Variants in SYNPO observed in about 807,000 individuals in gnomAD.
SYNPO encodes synaptopodin.
A neutral mutation model predicts 49.5 loss-of-function variants in SYNPO; 19 were observed. The observed-to-expected ratio is 0.38, with a 90% CI of 0.27 to 0.56. SYNPO has a LOEUF of 0.56. Among genes scored for constraint, SYNPO ranks in the 20% least tolerant of loss-of-function variants. The probability of loss-of-function intolerance (pLI) is 0.68; values close to 1 mark genes in which losing one functional copy is unlikely to be tolerated. For synonymous variants in SYNPO, 536 were observed against 548.0 expected (o/e 0.98, Z 0.31); for missense variants, 1,131 against 1,248.3 (o/e 0.91, Z 1.42).
At chr5:150,650,786 G>A in intron 2 of SYNPO, 7 of 1,290,528 alleles carry the variant, frequency 5.4e-6, no homozygotes, top group Non-Finnish European at 6.9e-6. Context: ...GCCCCAGGGG[G>A]GCCTCCCTCC....
chr5:150,604,142 C>A (rs934822683), intron 1 of SYNPO, among the ~76,000 whole-genome samples: 2 of 152,206 alleles, frequency 1.3e-5, no homozygotes, highest in African/African-American at 4.8e-5. Flanking sequence ...CCTGCTGAAC[C>A]ACTAGCAGCT....
chr5:150,611,142 C>A (rs181240246), intron 1 of SYNPO, among the ~76,000 whole-genome samples: 1 of 152,124 alleles, frequency 6.6e-6, no homozygotes, highest in Non-Finnish European at 1.5e-5. Context: ...ACTCCCAGGC[C>A]GCCTTTCTGG....
intron 1 of SYNPO, among the ~76,000 whole-genome samples, chr5:150,645,138 C>T (rs1758045500): frequency 6.6e-6 from 1 of 152,158 alleles, no homozygotes. Flanking sequence ...TGTTTCCCAC[C>T]TATAAAACAG....
chr5:150,646,638 T>G (rs917686614), intron 1 of SYNPO, among the ~76,000 whole-genome samples: 1 of 151,924 alleles, frequency 6.6e-6, no homozygotes, highest in Non-Finnish European at 1.5e-5. Context: ...GGCAGGAGAA[T>G]CACTTGATCC....
chr5:150,587,230 A>T, the SYNPO span, among the ~76,000 whole-genome samples: 42 of 151,730 alleles, frequency 2.8e-4, no homozygotes, highest in Non-Finnish European at 5.9e-4. Flanking sequence ...ATGGATGGAT[A>T]TGTGGATGGA....
Position 150,612,047 on chromosome 5 carries a change from A to C in SYNPO, c.-265-6056A>C, listed in dbSNP as rs189749568. Among the ~76,000 whole-genome samples, 297 of 152,368 alleles carry C rather than the reference A, an allele frequency of 1.9e-3. 3 individuals carry two copies. Among genetic ancestry groups the C allele is most frequent in the African/African-American group, 6.7e-3 (280 of 41,590 alleles). On this transcript the variant is annotated intron_variant, in intron 1 of 2. Coordinates refer to the SYNPO transcript ENST00000394243. ...CCCGCCTTTGGAGCCATGAGGAAGA[A>C]ACCCCCAACCTTGGATCTCATCCCC...
At position 150,602,997 on chromosome 5, in the gene SYNPO, G is replaced by GGTGTGTGTGTGTGT. The variant is rs3062133; in HGVS notation, c.-266+1841_-266+1854dup. On this transcript the variant is annotated intron_variant, in intron 1 of 2. Coordinates refer to the SYNPO transcript ENST00000394243. ...GTGGAAAGCCCAGTTGCCACCTTAG[G>GGTGTGTGTGTGTGT]GTGTGTGTGTGTGTGTGTGTGTGTG... Among the ~76,000 whole-genome samples the GGTGTGTGTGTGTGT allele has an allele frequency of 8.5e-3, 1,109 of 131,188 alleles. 21 individuals carry two copies. The highest frequency in any genetic ancestry group is 0.027 in the African/African-American group (916 of 33,756). The allele number at this position is 131,188 out of a possible 152,430, so 86.1% of individuals were successfully genotyped here. A position where few individuals can be genotyped will look rare whatever the true frequency, so the allele number is the denominator to read the frequency against.
At chr5:150,596,156 A>G (rs1422592322), upstream of SYNPO, among the ~76,000 whole-genome samples, 2 of 152,180 alleles carry the variant, frequency 1.3e-5, no homozygotes, top group Non-Finnish European at 2.9e-5. Context: ...CCCCAACCAC[A>G]GATTCTCTGC....
At chr5:150,631,082 G>A (rs1757521100) in intron 2 of SYNPO, among the ~76,000 whole-genome samples, 1 of 152,196 alleles carries the variant, frequency 6.6e-6, no homozygotes, top group Admixed American at 6.5e-5. Flanking sequence ...GGTCACATGG[G>A]AGCATGAAGG....
chr5:150,637,237 G>A (rs866714929), upstream of SYNPO, among the ~76,000 whole-genome samples: 3 of 152,116 alleles, frequency 2.0e-5, no homozygotes, highest in Non-Finnish European at 4.4e-5. Context: ...GAATGGATTC[G>A]GGAGTGAGGG....
At chr5:150,629,698 A>T (rs1757476447) in intron 2 of SYNPO, among the ~76,000 whole-genome samples, 2 of 152,166 alleles carry the variant, frequency 1.3e-5, no homozygotes, top group Non-Finnish European at 2.9e-5. Context: ...TAAAAGCCAC[A>T]GTTCTTGAAA....
intron 2 of SYNPO, among the ~76,000 whole-genome samples, chr5:150,620,009 C>T (rs1048022669): frequency 2.0e-5 from 3 of 152,140 alleles, no homozygotes; most frequent in African/African-American, 4.8e-5. Flanking sequence ...CAGTCTCCTA[C>T]AGTCTGAAGT....
At chr5:150,636,856 T>C (rs1757733732), upstream of SYNPO, among the ~76,000 whole-genome samples, 1 of 151,078 alleles carries the variant, frequency 6.6e-6, no homozygotes, top group African/African-American at 2.4e-5. Flanking sequence ...AGCAGAAGAG[T>C]GAGACCAGAC....
chr5:150,594,558 T>TC, the SYNPO span, among the ~76,000 whole-genome samples: 6 of 151,994 alleles, frequency 3.9e-5, no homozygotes, highest in Non-Finnish European at 7.4e-5. Context: ...TCAAATTCCT[T>TC]CCCCTCTCCC....
chr5:150,610,159 T>C (rs1035141204), intron 1 of SYNPO, among the ~76,000 whole-genome samples: 3 of 152,232 alleles, frequency 2.0e-5, no homozygotes, highest in Admixed American at 6.5e-5. Context: ...TGCCCCAGCA[T>C]CCTGGGTGCT....
Position 150,649,156 on chromosome 5 carries a change from T to C in SYNPO, c.881T>C (p.Met294Thr), listed in dbSNP as rs367675794. The C allele has an allele frequency of 3.1e-6, 5 of 1,613,574 alleles. No homozygotes were observed. The African/African-American group carries it at 6.7e-5, about 22-fold the overall frequency. ...PQRHIMSRSP[M>T]VERRMMGQRS... ...AGACACATAATGTCCCGCAGCCCCA[T>C]GGTGGAAAGGAGGATGATGGGGCAG... Residue 294 changes from methionine to threonine, a missense_variant, in exon 2 of 3, where the codon ATG (methionine) becomes ACG (threonine). Physicochemically the swap from Met to Thr is moderately conservative, Grantham distance 81 (BLOSUM62 -1). Coordinates refer to ENST00000307662, the MANE Select transcript of SYNPO (RefSeq NM_007286.6).
At chr5:150,602,394 T>C (rs1357179477) in intron 1 of SYNPO, among the ~76,000 whole-genome samples, 1 of 152,226 alleles carries the variant, frequency 6.6e-6, no homozygotes, top group Non-Finnish European at 1.5e-5. Context: ...GACGGTGCCA[T>C]GTAGACTGCC....
the SYNPO span, among the ~76,000 whole-genome samples, chr5:150,591,679 G>A: frequency 6.6e-6 from 1 of 151,958 alleles, no homozygotes; most frequent in Non-Finnish European, 1.5e-5. Context: ...TACTGTAAAG[G>A]GAAGATAGTA....
chr5:150,655,685 CTG>C (rs1488573165), intron 2 of SYNPO, among the ~76,000 whole-genome samples: 1 of 152,178 alleles, frequency 6.6e-6, no homozygotes, highest in African/African-American at 2.4e-5. Context: ...CAGAGTCTCG[CTG>C]TGTTGCCCAG....
Sources: allele counts gnomAD v4.1 joint callset (sites outside exome capture counted in the v4.1 genomes callset), GRCh38; gene constraint gnomAD v4.1.1; transcripts MANE v1.5; gene names NCBI Gene and HGNC (gene_info 2026-07-23, HGNC 2026-07-21).